The following RARB variants were observed in gnomAD, a reference collection of about 807,000 sequenced individuals.
RARB encodes the protein HBV-activated protein.
Under a neutral mutation model 51.9 loss-of-function variants are expected in RARB, and 17 were observed. The observed-to-expected ratio is 0.33, with a 90% CI of 0.22 to 0.49. The LOEUF (loss-of-function observed/expected upper bound fraction) is 0.49. Ranked by LOEUF, RARB falls within the 20% of genes least tolerant of loss-of-function variation. The pLI is 0.99. For missense variants in RARB, 369 were observed against 550.8 expected, an observed-to-expected ratio of 0.67 and a Z score of 3.30; for synonymous variants, 215 against 195.4, an observed-to-expected ratio of 1.10 and a Z score of -0.84.
chr3:25,138,676 G>A (rs780230724), intron 4 of RARB, among the ~76,000 whole-genome samples: 2 of 152,094 alleles, frequency 1.3e-5, no homozygotes, highest in Non-Finnish European at 2.9e-5. Flanking sequence ...TCATCCTAAT[G>A]TATCTGCATG....
At chr3:25,433,741 A>G (rs1170334356) in intron 1 of RARB, among the ~76,000 whole-genome samples, 1 of 152,184 alleles carries the variant, frequency 6.6e-6, no homozygotes, top group East Asian at 1.9e-4. Context: ...ATCTAATAAC[A>G]CAACCTCATC....
At chr3:25,090,803 T>A (rs769586277) in intron 3 of RARB, among the ~76,000 whole-genome samples, 3 of 152,152 alleles carry the variant, frequency 2.0e-5, no homozygotes, top group Non-Finnish European at 4.4e-5. Flanking sequence ...TTAGAATGAA[T>A]AATTGCTGTA....
chr3:24,882,649 G>A (rs1703190376), intron 2 of RARB, among the ~76,000 whole-genome samples: 3 of 152,156 alleles, frequency 2.0e-5, no homozygotes, highest in Admixed American at 6.5e-5. Context: ...TACTAGAGAA[G>A]AACAGAGTTG....
At chr3:25,369,010 A>G (rs75349990) in intron 5 of RARB, among the ~76,000 whole-genome samples, 2,996 of 152,306 alleles carry the variant, frequency 0.02, 91 homozygotes, top group African/African-American at 0.065. Context: ...CATTTTCTGT[A>G]TAGGATATGT....
chr3:25,014,822 T>C (rs1349434512), intron 2 of RARB, among the ~76,000 whole-genome samples: 1 of 151,938 alleles, frequency 6.6e-6, no homozygotes, highest in Non-Finnish European at 1.5e-5. Context: ...GAAATAAGGA[T>C]AGTATCACAG....
intron 2 of RARB, among the ~76,000 whole-genome samples, chr3:25,036,682 C>T (rs185080433): frequency 6.6e-6 from 1 of 152,136 alleles, no homozygotes; most frequent in Non-Finnish European, 1.5e-5. Flanking sequence ...GAGTGTGGTG[C>T]CAACAATCTG....
chr3:25,321,273 C>T (rs1704561150), intron 5 of RARB, among the ~76,000 whole-genome samples: 1 of 152,120 alleles, frequency 6.6e-6, no homozygotes, highest in African/African-American at 2.4e-5. Context: ...AGGGAAAAAC[C>T]ATGATCATTT....
At chr3:25,210,435 C>T (rs986806027) in intron 5 of RARB, among the ~76,000 whole-genome samples, 2 of 151,596 alleles carry the variant, frequency 1.3e-5, no homozygotes, top group African/African-American at 4.8e-5. Context: ...TATGCCCATT[C>T]ACTTATGTGT....
At chr3:25,246,795 G>A (rs570618781) in intron 5 of RARB, among the ~76,000 whole-genome samples, 32 of 152,286 alleles carry the variant, frequency 2.1e-4, no homozygotes, top group Non-Finnish European at 4.0e-4. Flanking sequence ...GGAGGCACAG[G>A]GTTTGGAGAC....
At chr3:25,326,012 A>T (rs1425370453) in intron 5 of RARB, among the ~76,000 whole-genome samples, 1 of 152,164 alleles carries the variant, frequency 6.6e-6, no homozygotes, top group Non-Finnish European at 1.5e-5. Flanking sequence ...TGAAGCATAT[A>T]TGAAAGAAGA....
intron 2 of RARB, among the ~76,000 whole-genome samples, chr3:24,953,329 T>G (rs1695939896): frequency 6.6e-6 from 1 of 152,106 alleles, no homozygotes; most frequent in African/African-American, 2.4e-5. Flanking sequence ...AAATGAAAAT[T>G]AGGAAGCAAA....
At chr3:25,212,275 G>T (rs528782534) in intron 5 of RARB, among the ~76,000 whole-genome samples, 42 of 152,280 alleles carry the variant, frequency 2.8e-4, no homozygotes, top group African/African-American at 1.0e-3. Context: ...GCTAAATTGA[G>T]CATCAATAAT....
intron 5 of RARB, among the ~76,000 whole-genome samples, chr3:25,395,236 C>T (rs887746389): frequency 6.6e-6 from 1 of 152,132 alleles, no homozygotes; most frequent in African/African-American, 2.4e-5. Context: ...GACCCCAATC[C>T]CTTGTGGCTT....
At chr3:25,168,769 C>A (rs545022294) in intron 4 of RARB, among the ~76,000 whole-genome samples, 1 of 152,248 alleles carries the variant, frequency 6.6e-6, no homozygotes, top group South Asian at 2.1e-4. Context: ...GGTCTACCAT[C>A]TAAATAAGAT....
chr3:25,268,355 C>T (rs773681361), intron 5 of RARB, among the ~76,000 whole-genome samples: 3 of 150,218 alleles, frequency 2.0e-5, no homozygotes, highest in Non-Finnish European at 3.0e-5. Context: ...ATTTTGTGTT[C>T]ATGGCACTTC....
chr3:25,176,362 CTTCCTTCCTTCCTTCCTTCCTTCCTTAT>C (rs1326197159), intron 5 of RARB, among the ~76,000 whole-genome samples: 1 of 61,480 alleles, frequency 1.6e-5, no homozygotes, highest in African/African-American at 5.1e-5. Context: ...TCCTTCCTTC[CTTCCTTCCTTCCTTCCTTCCTTCCTTAT>C]TTATTTATTT....
intron 3 of RARB, among the ~76,000 whole-genome samples, chr3:25,503,869 T>C (rs1697434362): frequency 6.6e-6 from 1 of 152,168 alleles, no homozygotes; most frequent in Admixed American, 6.5e-5. Context: ...GAGATTGATT[T>C]TCACTCACCT....
intron 2 of RARB, among the ~76,000 whole-genome samples, chr3:24,899,703 G>T (rs1031645476): frequency 6.6e-6 from 1 of 152,220 alleles, no homozygotes; most frequent in Admixed American, 6.5e-5. Context: ...CAATGAAAGT[G>T]AAATTAAAGT....
At chr3:25,434,529 C>CTTTTTTT (rs140015265) in intron 1 of RARB, among the ~76,000 whole-genome samples, 1 of 123,034 alleles carries the variant, frequency 8.1e-6, no homozygotes, top group African/African-American at 3.2e-5. Context: ...CTTGGTACTC[C>CTTTTTTT]TTTTTTTTTT....
Sources: allele counts gnomAD v4.1 joint callset (sites outside exome capture counted in the v4.1 genomes callset), GRCh38; gene constraint gnomAD v4.1.1; transcripts MANE v1.5; gene names NCBI Gene and HGNC (gene_info 2026-07-23, HGNC 2026-07-21).